The following ROBO1 variants were observed in gnomAD, a reference collection of about 807,000 sequenced individuals.
ROBO1 encodes the protein roundabout guidance receptor 1.
A neutral mutation model predicts 195.9 loss-of-function variants in ROBO1; 149 were observed. That is an observed-to-expected ratio of 0.76 (90% confidence interval 0.67 to 0.87). The LOEUF (loss-of-function observed/expected upper bound fraction) is 0.87. ROBO1 is among the 40% of genes least tolerant of loss of function. The pLI, the probability that ROBO1 is intolerant of heterozygous loss-of-function variation, is 0.00. For synonymous variants in ROBO1, 816 were observed against 733.2 expected, an observed-to-expected ratio of 1.11 and a Z score of -1.82; for missense variants, 1,933 against 2,068.3, an observed-to-expected ratio of 0.93 and a Z score of 1.27.
intron 2 of ROBO1, among the ~76,000 whole-genome samples, chr3:79,292,901 A>C (rs1036831384): frequency 5.9e-5 from 9 of 152,160 alleles, no homozygotes; most frequent in African/African-American, 2.2e-4. Context: ...AAAATAAGTT[A>C]GGGGGGAGTC....
intron 5 of ROBO1, among the ~76,000 whole-genome samples, chr3:78,720,716 T>C (rs1221644238): frequency 2.6e-5 from 4 of 152,178 alleles, no homozygotes; most frequent in African/African-American, 7.2e-5. Flanking sequence ...AATGATAGAC[T>C]GGATTAAGAA....
chr3:79,005,448 C>T (rs182564722), intron 3 of ROBO1, among the ~76,000 whole-genome samples: 13 of 152,182 alleles, frequency 8.5e-5, no homozygotes, highest in East Asian at 5.8e-4. Context: ...TGTATTTTAC[C>T]GTGAAACAGA....
intron 1 of ROBO1, among the ~76,000 whole-genome samples, chr3:79,684,342 A>T (rs1947037184): frequency 6.6e-6 from 1 of 152,088 alleles, no homozygotes; most frequent in African/African-American, 2.4e-5. Flanking sequence ...ATACACATAA[A>T]TAACTTTCAG....
At chr3:79,454,255 A>C (rs891411842) in intron 2 of ROBO1, among the ~76,000 whole-genome samples, 1 of 151,948 alleles carries the variant, frequency 6.6e-6, no homozygotes, top group African/African-American at 2.4e-5. Context: ...GTATTGCAGC[A>C]TCCTGTTACC....
intron 2 of ROBO1, among the ~76,000 whole-genome samples, chr3:79,588,959 A>G (rs1397196761): frequency 6.6e-6 from 1 of 151,726 alleles, no homozygotes; most frequent in Non-Finnish European, 1.5e-5. Flanking sequence ...TTTTGTGTGG[A>G]TGAACATGAC....
chr3:78,944,237 T>A (rs1050599376), intron 3 of ROBO1, among the ~76,000 whole-genome samples: 3 of 152,232 alleles, frequency 2.0e-5, no homozygotes, highest in Admixed American at 6.5e-5. Flanking sequence ...ACTGCTATGG[T>A]TAATTAGTTA....
intron 2 of ROBO1, among the ~76,000 whole-genome samples, chr3:79,386,230 T>C (rs1372823889): frequency 6.6e-6 from 1 of 152,144 alleles, no homozygotes; most frequent in East Asian, 1.9e-4. Flanking sequence ...ACTGTGAACG[T>C]CAGTTCGATA....
rs140767909 is a variant in ROBO1 at position 79,312,941 on chromosome 3, T to C, written c.89-187402A>G. 5.5e-3 allele frequency among the ~76,000 whole-genome samples: 836 copies of C among 152,224 alleles called. 9 individuals are homozygous for C. The highest frequency in any genetic ancestry group is 0.029 in the East Asian group (150 of 5,172). ...CATAATACAGATGAAACAAAAGTCA[T>C]CATTAGCTCAACGTTGCCATTTACA... On this transcript the variant is annotated intron_variant, in intron 2 of 30. Transcript: ENST00000464233.
chr3:79,170,184 G>A (rs532908587), intron 2 of ROBO1, among the ~76,000 whole-genome samples: 2 of 152,040 alleles, frequency 1.3e-5, no homozygotes, highest in Admixed American at 6.5e-5. Context: ...AAGAGTAAAG[G>A]GGCAAATGGA....
At chr3:79,677,577 G>C (rs967894302) in intron 1 of ROBO1, among the ~76,000 whole-genome samples, 9 of 151,908 alleles carry the variant, frequency 5.9e-5, no homozygotes, top group Non-Finnish European at 1.2e-4. Context: ...TCTCCTAGTG[G>C]GTCTCCCCCA....
intron 1 of ROBO1, among the ~76,000 whole-genome samples, chr3:79,651,082 C>T (rs138824804): frequency 0.016 from 2,356 of 151,942 alleles, 21 homozygotes; most frequent in Middle Eastern, 0.027. Flanking sequence ...ATTATCCTTT[C>T]ATAACATGCA....
intron 1 of ROBO1, among the ~76,000 whole-genome samples, chr3:79,665,245 T>C (rs961727006): frequency 1.3e-5 from 2 of 151,934 alleles, no homozygotes; most frequent in Admixed American, 6.6e-5. Flanking sequence ...GAATTAAATT[T>C]TATATAAAGT....
intron 2 of ROBO1, among the ~76,000 whole-genome samples, chr3:79,442,127 A>G (rs779350137): frequency 6.6e-6 from 1 of 152,160 alleles, no homozygotes; most frequent in Non-Finnish European, 1.5e-5. Context: ...AAATTCACAG[A>G]AGACTGCCTT....
intron 2 of ROBO1, among the ~76,000 whole-genome samples, chr3:79,158,787 C>T (rs1210183596): frequency 1.3e-5 from 2 of 151,692 alleles, no homozygotes; most frequent in African/African-American, 4.8e-5. Context: ...TATGTTCATA[C>T]CATATTTAAT....
At chr3:79,122,669 G>A (rs1237793864) in intron 3 of ROBO1, among the ~76,000 whole-genome samples, 1 of 151,872 alleles carries the variant, frequency 6.6e-6, no homozygotes, top group African/African-American at 2.4e-5. Context: ...GCTCCCAAAT[G>A]GCTTAAGTAT....
At chr3:79,478,819 C>T (rs55703443) in intron 2 of ROBO1, among the ~76,000 whole-genome samples, 3,387 of 152,222 alleles carry the variant, frequency 0.022, 126 homozygotes, top group African/African-American at 0.076. Context: ...CTGACCCATG[C>T]GTGACTGTGT....
chr3:79,034,558 G>A (rs1363410094), intron 3 of ROBO1, among the ~76,000 whole-genome samples: 1 of 152,018 alleles, frequency 6.6e-6, no homozygotes, highest in Non-Finnish European at 1.5e-5. Flanking sequence ...AGATGTCTAT[G>A]GTGGTATTAA....
intron 4 of ROBO1, among the ~76,000 whole-genome samples, chr3:78,776,860 C>T (rs182490548): frequency 1.1e-3 from 168 of 152,130 alleles, no homozygotes; most frequent in Middle Eastern, 6.8e-3. Context: ...AATAAAATAG[C>T]GACAAATAAT....
intron 3 of ROBO1, among the ~76,000 whole-genome samples, chr3:79,059,635 C>T (rs931426370): frequency 1.3e-5 from 2 of 152,104 alleles, no homozygotes; most frequent in South Asian, 4.2e-4. Context: ...TTTATAATTT[C>T]TTATGCCTGT....
Sources: allele counts gnomAD v4.1 joint callset (sites outside exome capture counted in the v4.1 genomes callset), GRCh38; gene constraint gnomAD v4.1.1; transcripts MANE v1.5; gene names NCBI Gene and HGNC (gene_info 2026-07-23, HGNC 2026-07-21).